CFHR5: variants seen among roughly 807,000 people sequenced by gnomAD.
CFHR5 encodes the protein complement factor H related 5, also known as complement factor H-related protein 5.
A neutral mutation model predicts 62.9 loss-of-function variants in CFHR5; 73 were observed. The ratio of observed to expected loss-of-function variants is 1.16; its 90% CI spans 0.96 to 1.41. The LOEUF (loss-of-function observed/expected upper bound fraction) is 1.41, where lower values mean the gene tolerates loss of function less well. Among genes scored for constraint, CFHR5 ranks in the 40% most tolerant of loss-of-function variants. The pLI is 0.00. For synonymous variants in CFHR5, 249 were observed against 227.2 expected, an observed-to-expected ratio of 1.10 and a Z score of -0.86; for missense variants, 779 against 679.9, an observed-to-expected ratio of 1.15 and a Z score of -1.62.
At chr1:196,980,012 A>G (rs1653497476) in intron 1 of CFHR5, among the ~76,000 whole-genome samples, 1 of 151,954 alleles carries the variant, frequency 6.6e-6, no homozygotes, top group South Asian at 2.1e-4. Context: ...TATCTTTTAA[A>G]TTATTTATTT....
intron 3 of CFHR5, among the ~76,000 whole-genome samples, chr1:196,988,251 A>C (rs548313216): frequency 6.6e-6 from 1 of 152,278 alleles, no homozygotes; most frequent in East Asian, 1.9e-4. Context: ...GTTGCTTATC[A>C]GCTTAAGGAG....
chr1:197,003,807 T>C (rs539627442), intron 8 of CFHR5, among the ~76,000 whole-genome samples: 2 of 152,306 alleles, frequency 1.3e-5, no homozygotes, highest in Non-Finnish European at 2.9e-5. Flanking sequence ...AGTGAAATTT[T>C]ACCTTATTGA....
chr1:196,995,888 C>A lies in CFHR5; in HGVS notation c.779C>A (p.Pro260His). Residue 260 changes from proline (P) to histidine (H), a missense_variant, in exon 5 of 10, where the codon CCC becomes CAC. By Grantham distance (77) the Pro-to-His change is moderately conservative. Transcript: ENST00000256785. Reference sequence around the variant, plus strand: ...GTGGATGGAGAATGGACAACTTTACCCACTTGTGTTGGTAAATAAATATTA... The same window carrying A: ...GTGGATGGAGAATGGACAACTTTACACACTTGTGTTGGTAAATAAATATTA... ...QCVDGEWTTL[P>H]TCVEQVKTCG... 2 of 1,612,648 alleles carry A rather than the reference C, an allele frequency of 1.2e-6. No homozygotes were observed. The highest frequency in any genetic ancestry group is 1.7e-6 in the Non-Finnish European group (2 of 1,178,962).
intron 7 of CFHR5, among the ~76,000 whole-genome samples, chr1:196,999,738 TATATACACAC>T: frequency 1.3e-5 from 1 of 78,412 alleles, no homozygotes; most frequent in East Asian, 4.7e-4. Flanking sequence ...CACACACATA[TATATACACAC>T]ACATATGTAT....
chr1:197,007,078 A>G (rs976303155), intron 9 of CFHR5, among the ~76,000 whole-genome samples: 1 of 150,994 alleles, frequency 6.6e-6, no homozygotes, highest in Non-Finnish European at 1.5e-5. Context: ...CTCATGATCC[A>G]CCCGCCTCGG....
intron 3 of CFHR5, among the ~76,000 whole-genome samples, chr1:196,988,080 T>C (rs1653744376): frequency 1.3e-5 from 2 of 152,176 alleles, no homozygotes; most frequent in Non-Finnish European, 2.9e-5. Context: ...GAAGAGATTC[T>C]TCACATCCCT....
chr1:196,980,760 C>T (rs1400083310), intron 1 of CFHR5, among the ~76,000 whole-genome samples: 1 of 151,942 alleles, frequency 6.6e-6, no homozygotes, highest in African/African-American at 2.4e-5. Context: ...AGCACCATTG[C>T]GGATGTGCAC....
In CFHR5 at chr1:196,982,995, T is replaced by C. The variant is rs1653581579; in HGVS notation, c.169T>C (p.Tyr57His). The C allele has an allele frequency of 8.7e-6, 14 of 1,614,136 alleles. 1 individual carries two copies. The Middle Eastern group carries it at 4.9e-4, about 57-fold the overall frequency. Residue 57 changes from tyrosine to histidine, a missense_variant, in exon 2 of 10, where the codon TAT becomes CAT. Transcript: ENST00000256785. ...GGAAGTTTTCTATTACTCCTGTGAA[T>C]ATAATTTTGTGTCTCCTTCAAAATC... Reference protein sequence around the residue: ...TGEVFYYSCEYNFVSPSKSFW... With the variant: ...TGEVFYYSCEHNFVSPSKSFW...
At chr1:196,997,108 T>C (rs190211720) in intron 6 of CFHR5, among the ~76,000 whole-genome samples, 7 of 152,180 alleles carry the variant, frequency 4.6e-5, no homozygotes, top group Non-Finnish European at 7.4e-5. Context: ...TTACAGAAAC[T>C]GAAACAGAAC....
chr1:196,986,056 G>A (rs1308096766), intron 3 of CFHR5, among the ~76,000 whole-genome samples: 1 of 152,176 alleles, frequency 6.6e-6, no homozygotes, highest in Non-Finnish European at 1.5e-5. Context: ...TATCAGAGTA[G>A]ATGGACAGAT....
chr1:196,996,060 T>A lies in CFHR5; in HGVS notation c.829T>A (p.Tyr277Asn), dbSNP rs318240756. ...ATGTGGATACATACCTGAACTCGAG[T>A]ACGGTTATGTTCAGCCGTCTGTCCC... is the stretch of plus-strand genomic sequence containing the variant. ...KTCGYIPELE[Y>N]GYVQPSVPPY... The change falls in exon 6 of 10, where the codon TAC becomes AAC. Residue 277 changes from tyrosine to asparagine, a missense_variant. Transcript: ENST00000256785. 4 of 1,613,728 alleles carry A rather than the reference T, an allele frequency of 2.5e-6. No homozygotes were observed. Among genetic ancestry groups the A allele is most frequent in the Non-Finnish European group, 3.4e-6 (4 of 1,179,822 alleles).
intron 9 of CFHR5, among the ~76,000 whole-genome samples, chr1:197,005,372 A>G (rs547348615): frequency 6.6e-6 from 1 of 152,132 alleles, no homozygotes; most frequent in Non-Finnish European, 1.5e-5. Context: ...AATCTTCACT[A>G]TCCCTTCTTT....
At chr1:196,997,037 C>T (rs74564898) in intron 6 of CFHR5, among the ~76,000 whole-genome samples, 3,097 of 152,156 alleles carry the variant, frequency 0.02, 118 homozygotes, top group African/African-American at 0.071. Context: ...AACCTCAATA[C>T]ATTAAAGCCT....
intron 3 of CFHR5, among the ~76,000 whole-genome samples, chr1:196,986,902 T>G (rs952506799): frequency 6.6e-6 from 1 of 152,160 alleles, no homozygotes; most frequent in African/African-American, 2.4e-5. Context: ...GATCACTGGG[T>G]CAAATGGTAT....
At chr1:196,981,385 G>A (rs1460132990) in intron 1 of CFHR5, among the ~76,000 whole-genome samples, 1 of 151,946 alleles carries the variant, frequency 6.6e-6, no homozygotes, top group Non-Finnish European at 1.5e-5. Context: ...AGTGAAGGGG[G>A]CTATTCATGT....
chr1:196,999,760 TAC>T lies in CFHR5; in HGVS notation c.1147+1466_1147+1467del, dbSNP rs1176756088. ...ATATATATACACACACATATGTATA[TAC>T]ACACACACATATATGTATATATGTA... On this transcript the variant is annotated intron_variant, in intron 7 of 9. Transcript: ENST00000256785. Among the ~76,000 whole-genome samples, 89 of 143,614 alleles carry T rather than the reference TAC, an allele frequency of 6.2e-4. 1 individual carries two copies. The highest frequency in any genetic ancestry group is 2.0e-3 in the African/African-American group (79 of 39,506). The allele number at this position is 143,614 out of a possible 152,430, so 94.2% of individuals were successfully genotyped here.
chr1:196,995,930 G>A lies in CFHR5; in HGVS notation c.790+31G>A, dbSNP rs1653979184. The A allele has an allele frequency of 2.5e-6, 4 of 1,599,488 alleles. No individual in the cohort carries two copies. The South Asian group carries it at 4.4e-5, about 18-fold the overall frequency. ...TAAATATTAACATTTAAACAGGACAGTTACTATTACTTTGCACTTATATAT... is the reference window on the plus strand; with the variant it reads ...TAAATATTAACATTTAAACAGGACAATTACTATTACTTTGCACTTATATAT... On this transcript the variant is annotated intron_variant, in intron 5 of 9. Coordinates refer to ENST00000256785, the MANE Select transcript of CFHR5 (RefSeq NM_030787.4).
intron 3 of CFHR5, among the ~76,000 whole-genome samples, chr1:196,988,876 T>C (rs1653765765): frequency 6.6e-6 from 1 of 152,216 alleles, no homozygotes; most frequent in Admixed American, 6.5e-5. Flanking sequence ...AGGATGATGC[T>C]GGCCTCATAA....
intron 6 of CFHR5, among the ~76,000 whole-genome samples, chr1:196,997,314 C>G (rs182074982): frequency 3.4e-4 from 52 of 152,244 alleles, no homozygotes; most frequent in African/African-American, 1.1e-3. Context: ...GATCATATAT[C>G]TTCATGGTCA....
Sources: allele counts gnomAD v4.1 joint callset (sites outside exome capture counted in the v4.1 genomes callset), GRCh38; gene constraint gnomAD v4.1.1; transcripts MANE v1.5; gene names NCBI Gene and HGNC (gene_info 2026-07-23, HGNC 2026-07-21).